Variants in COL17A1 observed in about 807,000 individuals in gnomAD.
COL17A1 encodes the protein collagen alpha-1(XVII) chain.
In COL17A1, 181 loss-of-function variants were observed where a neutral mutation model predicts 218.4. The ratio of observed to expected loss-of-function variants is 0.83; its 90% CI spans 0.73 to 0.94. The LOEUF (loss-of-function observed/expected upper bound fraction) is 0.94. Among genes scored for constraint, COL17A1 ranks in the 40% least tolerant of loss-of-function variants. COL17A1 has a pLI of 0.00. For synonymous variants in COL17A1, 721 were observed against 731.0 expected, an observed-to-expected ratio of 0.99 and a Z score of 0.22; for missense variants, 1,924 against 1,945.9, an observed-to-expected ratio of 0.99 and a Z score of 0.21.
chr10:104,034,294 A>G lies in COL17A1; in HGVS notation c.3807T>C (p.Pro1269=), dbSNP rs1408217657. 6.3e-7 allele frequency: 1 copy of G among 1,581,442 alleles called. No homozygotes were observed. Among genetic ancestry groups the G allele is most frequent in the South Asian group, 1.1e-5 (1 of 87,296 alleles). ...VRSFIVGPPG[P]PGPQGPPGDS... is the part of the protein sequence containing the mutation. ...CCCCAGGGGGTCCCTGCGGCCCAGG[A>G]GGGCCTGGGGGGCCAACAATGAAGC... Residue 1269 remains proline (P), a synonymous_variant, in exon 52 of 56, where the codon CCT becomes CCC. Transcript: ENST00000648076.
chr10:104,048,440 C>A (rs541414059), intron 29 of COL17A1, among the ~76,000 whole-genome samples: 1 of 152,186 alleles, frequency 6.6e-6, no homozygotes, highest in Non-Finnish European at 1.5e-5. Context: ...ATTATTGTAA[C>A]CTCTCTCCAA....
chr10:104,053,885 A>T, intron 22 of COL17A1, 35 bp downstream of exon 22: 1 of 1,218,616 alleles, frequency 8.2e-7, no homozygotes, highest in Non-Finnish European at 1.2e-6. Context: ...TGAAAGAATG[A>T]GGAATAAATG....
intron 6 of COL17A1, 28 bp downstream of exon 6, chr10:104,074,156 T>A: frequency 6.2e-7 from 1 of 1,614,112 alleles, no homozygotes; most frequent in Non-Finnish European, 8.5e-7. Context: ...GTTTGACCAT[T>A]TCTTTAGAAA....
At chr10:104,046,842 C>T (rs1042469170) in intron 31 of COL17A1, 69 bp from the exon 32 acceptor site, 1 of 1,449,612 alleles carries the variant, frequency 6.9e-7, no homozygotes, top group Non-Finnish European at 9.6e-7. Context: ...CACACCCACA[C>T]CTGCAGAAAC....
chr10:104,034,041 C>A lies in COL17A1; in HGVS notation c.4060G>T (p.Gly1354Cys). 1 of 1,614,158 alleles carries A rather than the reference C, an allele frequency of 6.2e-7. No homozygotes were observed. Among genetic ancestry groups the A allele is most frequent in the East Asian group, 2.2e-5 (1 of 44,880 alleles). Residue 1354 changes from glycine to cysteine, a missense_variant, in exon 52 of 56, where the codon GGC becomes TGC. Gly to Cys is a radical substitution (Grantham distance 159). Transcript: ENST00000648076. ...AGTCCGCCATTGCCAGCATACATGC[C>A]GCCTTCTGCTGCTGCCCCATAGCCT... ...GGGYGAAAEG[G>C]MYAGNGGLLG...
In COL17A1 at chr10:104,032,164, C is replaced by T; in HGVS notation, c.*71G>A. ...ATTGACAGACTCCAGCTTTCACCCTCTGGAGACCTTGGACCTAAGTGCCAC... is the reference window on the plus strand; with the variant it reads ...ATTGACAGACTCCAGCTTTCACCCTTTGGAGACCTTGGACCTAAGTGCCAC... On this transcript the variant is annotated 3_prime_UTR_variant, in exon 56 of 56. Transcript: ENST00000648076. 8.0e-7 allele frequency: 1 copy of T among 1,249,154 alleles called. No homozygotes were observed. The highest frequency in any genetic ancestry group is 1.2e-6 in the Non-Finnish European group (1 of 849,740). The allele number at this position is 1,249,154 out of a possible 1,614,324, so 77.4% of individuals were successfully genotyped here. A position where few individuals can be genotyped will look rare whatever the true frequency, so the allele number is the denominator to read the frequency against.
At chr10:104,063,430 A>G in intron 11 of COL17A1, 1 of 372,954 alleles carries the variant, frequency 2.7e-6, no homozygotes, top group Non-Finnish European at 5.1e-6. Context: ...CTTCTAAATT[A>G]ACAATGCCTT....
At chr10:104,065,077 C>A (rs2086615655) in intron 9 of COL17A1, among the ~76,000 whole-genome samples, 1 of 152,172 alleles carries the variant, frequency 6.6e-6, no homozygotes, top group East Asian at 1.9e-4. Context: ...TGGTCTGGGG[C>A]CACACTGCAT....
chr10:104,077,866 C>T (rs924846873), intron 3 of COL17A1, among the ~76,000 whole-genome samples: 28 of 152,286 alleles, frequency 1.8e-4, no homozygotes, highest in African/African-American at 6.3e-4. Context: ...TCCTTGAGTC[C>T]AGGACCTGGT....
At chr10:104,058,013 T>G in intron 16 of COL17A1, 133 bp downstream of exon 16, 3 of 1,358,034 alleles carry the variant, frequency 2.2e-6, no homozygotes, top group Non-Finnish European at 3.1e-6. Flanking sequence ...TTCTGAGCCT[T>G]TAGGGAAACT....
In COL17A1 at chr10:104,047,898, T is replaced by C; in HGVS notation, c.2264-88A>G. ...TCTGAACTGATAGTTTCTGAGGGTT[T>C]TCCTAATTGACTTGCTGGCAGGTGG... is the stretch of plus-strand genomic sequence containing the variant. On this transcript the variant is annotated intron_variant, in intron 30 of 55. Transcript: ENST00000648076. 2.1e-6 allele frequency: 3 copies of C among 1,422,684 alleles called. No individual in the cohort carries two copies. The East Asian group carries it at 6.8e-5, about 32-fold the overall frequency. 88.1% of individuals were successfully genotyped at this position (1,422,684 alleles called of 1,614,324 possible).
chr10:104,033,163 C>G, intron 53 of COL17A1, 75 bp downstream of exon 53: 1 of 1,549,110 alleles, frequency 6.5e-7, no homozygotes, highest in South Asian at 1.2e-5. Context: ...TCTCATGAGA[C>G]TGGTGTCTCT....
intron 35 of COL17A1, 139 bp from the exon 36 acceptor site, chr10:104,042,594 G>A (rs556179440): frequency 2.3e-5 from 19 of 836,028 alleles, no homozygotes; most frequent in Admixed American, 1.6e-4. Flanking sequence ...TAAGCAATTC[G>A]AGATCAGCCC....
In COL17A1 at chr10:104,033,289, C is replaced by T. The variant is rs1204231836; in HGVS notation, c.4243G>A (p.Val1415Ile). Residue 1415 changes from valine (V) to isoleucine (I), a missense_variant, in exon 53 of 56, where the codon GTC becomes ATC. Physicochemically the swap from Val to Ile is conservative, Grantham distance 29 (BLOSUM62 3). Transcript: ENST00000648076. Reference protein sequence around the residue: ...GPQGPPGISKVFSAYSNVTAD... With the variant: ...GPQGPPGISKIFSAYSNVTAD... ...GTCACGTTGCTGTAGGCAGAGAAGA[C>T]CTTGCTGATGCCGGGTGGCCCCTGT... is the stretch of plus-strand genomic sequence containing the variant. 2 of 1,600,136 alleles carry T rather than the reference C, an allele frequency of 1.2e-6. No homozygotes were observed. Among genetic ancestry groups the T allele is most frequent in the Non-Finnish European group, 1.7e-6 (2 of 1,173,474 alleles).
At position 104,073,208 on chromosome 10, in the gene COL17A1, A is replaced by T. The variant is rs147734242; in HGVS notation, c.415+2T>A. On this transcript the variant is annotated splice_donor_variant, in intron 7 of 55. Transcript: ENST00000648076. LOFTEE classifies it high-confidence loss of function. ...TGGACTGAACCCAGTGACAGCACTC[A>T]CCTCGTGTTTGACTCCGTCCTCTGG... is the stretch of plus-strand genomic sequence containing the variant. 6.2e-7 allele frequency: 1 copy of T among 1,613,798 alleles called. No homozygotes were observed. Among genetic ancestry groups the T allele is most frequent in the Non-Finnish European group, 8.5e-7 (1 of 1,179,776 alleles).
intron 17 of COL17A1, 35 bp from the exon 18 acceptor site, chr10:104,056,038 G>A (rs373470388): frequency 6.2e-7 from 1 of 1,612,252 alleles, no homozygotes; most frequent in South Asian, 1.1e-5. Context: ...GTCACTGAGG[G>A]CCCGGTCCTT....
chr10:104,057,274 C>A, intron 16 of COL17A1, 102 bp from the exon 17 acceptor site: 3 of 1,587,492 alleles, frequency 1.9e-6, no homozygotes, highest in Non-Finnish European at 2.6e-6. Flanking sequence ...GTGACTACGA[C>A]TGGGGGCTTT....
intron 3 of COL17A1, among the ~76,000 whole-genome samples, 173 bp from the exon 4 acceptor site, chr10:104,077,699 T>G (rs371143164): frequency 1.3e-5 from 2 of 151,446 alleles, no homozygotes; most frequent in East Asian, 1.9e-4. Flanking sequence ...TTTCGTTGGT[T>G]TTTTGTTTTG....
intron 29 of COL17A1, among the ~76,000 whole-genome samples, chr10:104,048,633 G>C (rs542827377): frequency 2.6e-5 from 4 of 152,252 alleles, no homozygotes; most frequent in Admixed American, 6.5e-5. Context: ...TCCTTTGACT[G>C]TATCCTCACA....
Sources: allele counts gnomAD v4.1 joint callset (sites outside exome capture counted in the v4.1 genomes callset), GRCh38; gene constraint gnomAD v4.1.1; transcripts MANE v1.5; gene names NCBI Gene and HGNC (gene_info 2026-07-23, HGNC 2026-07-21).